CCL3: variants seen among roughly 807,000 people sequenced by gnomAD.
The protein encoded by CCL3 is C-C motif chemokine ligand 3, also known as C-C motif chemokine 3.
In CCL3, 6 loss-of-function variants were observed where a neutral mutation model predicts 8.1. The ratio of observed to expected loss-of-function variants is 0.74; its 90% CI spans 0.41 to 1.46. The LOEUF (loss-of-function observed/expected upper bound fraction) is 1.46, where lower values mean the gene tolerates loss of function less well. Among genes scored for constraint, CCL3 ranks in the 40% most tolerant of loss-of-function variants. CCL3 has a pLI of 0.02. For synonymous variants in CCL3, 45 were observed against 45.1 expected (o/e 1.00, Z 0.01); for missense variants, 109 against 117.7 (o/e 0.93, Z 0.34).
chr17:36,089,767 A>G, intron 1 of CCL3: 2 of 716,908 alleles, frequency 2.8e-6, no homozygotes, highest in Admixed American at 2.0e-5. Context: ...AAGGGACTGT[A>G]ACTCCCCTGC....
intron 1 of CCL3, 195 bp downstream of exon 1, chr17:36,089,791 C>T: frequency 1.4e-6 from 1 of 727,842 alleles, no homozygotes; most frequent in East Asian, 2.7e-5. Flanking sequence ...TGCCTAGATT[C>T]TCATACCTGG....
At position 36,088,449 on chromosome 17, in the gene CCL3, C is replaced by A; in HGVS notation, c.*223G>T. ...GGGACAGGGGAACTCTCAGAGCAAACAATCACAAACACACTGTGAAATCGA... is the reference window on the plus strand; with the variant it reads ...GGGACAGGGGAACTCTCAGAGCAAAAAATCACAAACACACTGTGAAATCGA... On this transcript the variant is annotated 3_prime_UTR_variant, in exon 3 of 3. Transcript: ENST00000613922. 1 of 570,500 alleles carries A rather than the reference C, an allele frequency of 1.8e-6. No individual in the cohort carries two copies. The highest frequency in any genetic ancestry group is 3.1e-6 in the Non-Finnish European group (1 of 319,706). 35.3% of individuals were successfully genotyped at this position (570,500 alleles called of 1,614,324 possible). A position where few individuals can be genotyped will look rare whatever the true frequency, so the allele number is the denominator to read the frequency against.
Position 36,088,534 on chromosome 17 carries a change from C to CAA in CCL3, c.*137_*138insTT, listed in dbSNP as rs775237622. The stretch of plus-strand genomic sequence containing the variant: ...TTAAAATTTAAGTTAAGAAGAGTCC[C>CAA]ACAGTGTGGCTGTTTGGCAACAACC... On this transcript the variant is annotated 3_prime_UTR_variant, in exon 3 of 3. Transcript: ENST00000613922. The CAA allele has an allele frequency of 8.3e-6, 7 of 842,624 alleles. No homozygotes were observed. The highest frequency in any genetic ancestry group is 1.4e-5 in the Non-Finnish European group (7 of 497,452). The allele number at this position is 842,624 out of a possible 1,614,324, so 52.2% of individuals were successfully genotyped here.
chr17:36,088,809 G>C, intron 2 of CCL3, 47 bp from the exon 3 acceptor site: 3 of 1,609,568 alleles, frequency 1.9e-6, no homozygotes, highest in Non-Finnish European at 2.6e-6. Context: ...TCCAGCAGGG[G>C]AATCCTGGGC....
At chr17:36,088,865 G>C in intron 2 of CCL3, 103 bp from the exon 3 acceptor site, 2 of 1,485,208 alleles carry the variant, frequency 1.3e-6, no homozygotes. Context: ...GCAGCTCAGG[G>C]CTTGCTCCTC....
Position 36,089,608 on chromosome 17 carries a change from C to CCCCA in CCL3, c.74-312_74-311insTGGG, listed in dbSNP as rs2067024711. The CCCCA allele has an allele frequency of 4.9e-6, 3 of 609,214 alleles. No homozygotes were observed. In the East Asian group the frequency reaches 9.0e-5, roughly 18 times the overall value. The allele number at this position is 609,214 out of a possible 1,614,324, so 37.7% of individuals were successfully genotyped here. A position where few individuals can be genotyped will look rare whatever the true frequency, so the allele number is the denominator to read the frequency against. On this transcript the variant is annotated intron_variant, in intron 1 of 2. Coordinates refer to ENST00000613922, the MANE Select transcript of CCL3 (RefSeq NM_002983.3). ...ACCCCAACCCAAGAGAAGCCTTGGA[C>CCCCA]ATCTCTCATAAGACATCCAAGGGAC...
intron 2 of CCL3, 73 bp downstream of exon 2, chr17:36,089,110 C>T: frequency 1.3e-6 from 2 of 1,590,190 alleles, no homozygotes; most frequent in Non-Finnish European, 1.7e-6. Context: ...CCAGGATAGC[C>T]TTCTGGCCTG....
At chr17:36,088,895 ATC>A in intron 2 of CCL3, 133 bp from the exon 3 acceptor site, 1 of 1,225,402 alleles carries the variant, frequency 8.2e-7, no homozygotes, top group Non-Finnish European at 1.2e-6. Context: ...CCCCCTGCCT[ATC>A]TCTGTCTAGA....
chr17:36,089,204 T>G lies in CCL3; in HGVS notation c.167A>C (p.Gln56Pro). ...FIADYFETSSQCSKPGVIFLT... is the reference protein window; with the variant it reads ...FIADYFETSSPCSKPGVIFLT... ...TTACATGACACCGGGCTTGGAGCACTGGCTGCTCGTCTCAAAGTAGTCAGC... is the reference window on the plus strand; with the variant it reads ...TTACATGACACCGGGCTTGGAGCACGGGCTGCTCGTCTCAAAGTAGTCAGC... Residue 56 changes from glutamine to proline, a missense_variant, in exon 2 of 3, where the codon CAG becomes CCG. Transcript: ENST00000613922. 3.1e-6 allele frequency: 5 copies of G among 1,614,020 alleles called. No homozygotes were observed. The highest frequency in any genetic ancestry group is 4.2e-6 in the Non-Finnish European group (5 of 1,179,886).
In CCL3 at chr17:36,088,393, G is replaced by C. The variant is rs2067005093; in HGVS notation, c.*279C>G. 2.1e-6 allele frequency: 1 copy of C among 473,362 alleles called. No individual in the cohort carries two copies. Among genetic ancestry groups the C allele is most frequent in the Non-Finnish European group, 3.8e-6 (1 of 264,280 alleles). 29.3% of individuals were successfully genotyped at this position (473,362 alleles called of 1,614,324 possible). A position where few individuals can be genotyped will look rare whatever the true frequency, so the allele number is the denominator to read the frequency against. On this transcript the variant is annotated 3_prime_UTR_variant, in exon 3 of 3. Transcript: ENST00000613922. ...ACAGGCTGATGACAGCCACTCGGTT[G>C]TCACCAGACGCGGTGTGAGGGAAGG... is the stretch of plus-strand genomic sequence containing the variant.
At chr17:36,089,916 A>G in intron 1 of CCL3, 70 bp downstream of exon 1, 3 of 1,449,796 alleles carry the variant, frequency 2.1e-6, no homozygotes, top group Non-Finnish European at 2.9e-6. Flanking sequence ...CTTTTAGGCC[A>G]CAAGAAAAGA....
chr17:36,089,131 A>C (rs971784989), intron 2 of CCL3, 52 bp downstream of exon 2: 286 of 1,610,778 alleles, frequency 1.8e-4, no homozygotes, highest in African/African-American at 5.9e-4. Context: ...TCTCTGCCCC[A>C]ACCCTGACCC....
intron 1 of CCL3, 35 bp downstream of exon 1, chr17:36,089,951 A>G (rs2067030324): frequency 1.3e-6 from 2 of 1,586,616 alleles, no homozygotes; most frequent in Non-Finnish European, 1.7e-6. Flanking sequence ...CCATGGCCAG[A>G]GAGTGGTGAT....
At chr17:36,089,817 GA>G (rs2067027871) in intron 1 of CCL3, 168 bp downstream of exon 1, 7 of 752,566 alleles carry the variant, frequency 9.3e-6, no homozygotes, top group Non-Finnish European at 1.4e-5. Flanking sequence ...AGGGGGCTAA[GA>G]CCCCTTCTAG....
rs1460940636 is a variant in CCL3 at position 36,088,595 on chromosome 17, A to G, written c.*77T>C. On this transcript the variant is annotated 3_prime_UTR_variant, in exon 3 of 3. Transcript: ENST00000613922. ...AGAGGTAGCTGTGGAGGTCACACGC[A>G]TGTTCCCAAGGCTCAGGCTCCTGCT... 1.3e-6 allele frequency: 2 copies of G among 1,532,586 alleles called. No homozygotes were observed. The highest frequency in any genetic ancestry group is 1.8e-6 in the Non-Finnish European group (2 of 1,107,748). The allele number at this position is 1,532,586 out of a possible 1,614,324, so 94.9% of individuals were successfully genotyped here.
rs1719133 is a variant in CCL3, at chr17:36,089,319, G to A, written c.74-22C>T. ...GCAACTGTGGAGAAAGGAAGAGAAT[G>A]AGCCCGAGTCACAGCTCAGAAGAAA... On this transcript the variant is annotated intron_variant, in intron 1 of 2. Coordinates refer to ENST00000613922, the MANE Select transcript of CCL3 (RefSeq NM_002983.3). The A allele has an allele frequency of 3.9e-3, 6,250 of 1,613,946 alleles. 175 individuals are homozygous for A. The African/African-American group carries it at 0.06, about 16-fold the overall frequency.
At position 36,089,810 on chromosome 17, in the gene CCL3, G is replaced by T. The variant is rs1046199316; in HGVS notation, c.73+176C>A. 7 of 738,668 alleles carry T rather than the reference G, an allele frequency of 9.5e-6. No individual in the cohort carries two copies. The African/African-American group carries it at 1.2e-4, about 13-fold the overall frequency. The allele number at this position is 738,668 out of a possible 1,614,324, so 45.8% of individuals were successfully genotyped here. On this transcript the variant is annotated intron_variant, in intron 1 of 2. Transcript: ENST00000613922. ...TAGATTCTCATACCTGGAGACTAGG[G>T]GGCTAAGACCCCTTCTAGAGATAAA...
rs1451915073 is a variant in CCL3, at chr17:36,090,025, G to T, written c.34C>A (p.Leu12Ile). 3.7e-6 allele frequency: 6 copies of T among 1,613,830 alleles called. No individual in the cohort carries two copies. The South Asian group carries it at 5.5e-5, about 15-fold the overall frequency. The change falls in exon 1 of 3, where the codon CTC becomes ATC. Residue 12 changes from leucine (L) to isoleucine (I), a missense_variant. Physicochemically the swap from Leu to Ile is conservative, Grantham distance 5. Transcript: ENST00000613922. ...TGGTTGCAGAGAGCCATGGTGCAGA[G>T]GAGGACAGCAAGGGCAGCAGTGGAG... is the stretch of plus-strand genomic sequence containing the variant. The part of the protein sequence containing the change: ...QVSTAALAVL[L>I]CTMALCNQFS...
chr17:36,090,064 T>A lies in CCL3; in HGVS notation c.-6A>T. ...GCAGCAGTGGAGACCTGCATGATTC[T>A]GAGCAGGTGACGGAATGTGGGCTCG... On this transcript the variant is annotated 5_prime_UTR_variant, in exon 1 of 3. Transcript: ENST00000613922. 1 of 1,612,890 alleles carries A rather than the reference T, an allele frequency of 6.2e-7. No individual in the cohort carries two copies. The highest frequency in any genetic ancestry group is 8.5e-7 in the Non-Finnish European group (1 of 1,179,750).
Sources: allele counts gnomAD v4.1 joint callset, GRCh38; gene constraint gnomAD v4.1.1; transcripts MANE v1.5; gene names NCBI Gene and HGNC (gene_info 2026-07-23, HGNC 2026-07-21).